TBC1D32: variants seen among roughly 807,000 people sequenced by gnomAD.
TBC1D32 encodes protein broad-minded.
Under a neutral mutation model 170.3 loss-of-function variants are expected in TBC1D32, and 151 were observed. That is an observed-to-expected ratio of 0.89 (90% CI 0.78 to 1.01). The LOEUF (loss-of-function observed/expected upper bound fraction) is 1.01. Among genes scored for constraint, TBC1D32 ranks in the 50% least tolerant of loss-of-function variants. The pLI is 0.00. For missense variants in TBC1D32, 1,464 were observed against 1,457.1 expected, an observed-to-expected ratio of 1.00 and a Z score of -0.08; for synonymous variants, 498 against 488.0, an observed-to-expected ratio of 1.02 and a Z score of -0.27.
At chr6:121,098,325 AC>A (rs1777652082) in intron 30 of TBC1D32, among the ~76,000 whole-genome samples, 1 of 151,896 alleles carries the variant, frequency 6.6e-6, no homozygotes, top group Non-Finnish European at 1.5e-5. Context: ...ATTCAAAGAC[AC>A]TATTTTTAAC....
At chr6:121,260,621 T>C (rs1221672807) in intron 15 of TBC1D32, among the ~76,000 whole-genome samples, 1 of 152,184 alleles carries the variant, frequency 6.6e-6, no homozygotes, top group African/African-American at 2.4e-5. Flanking sequence ...TGGGAAGCTG[T>C]GCTTTTCCAT....
chr6:121,082,607 A>G (rs779150044), intron 31 of TBC1D32, among the ~76,000 whole-genome samples: 7 of 152,042 alleles, frequency 4.6e-5, no homozygotes, highest in Non-Finnish European at 1.0e-4. Context: ...ACGAATTATA[A>G]TAGGAGATGA....
At chr6:121,226,988 T>C (rs1795148438) in intron 20 of TBC1D32, among the ~76,000 whole-genome samples, 1 of 152,070 alleles carries the variant, frequency 6.6e-6, no homozygotes, top group African/African-American at 2.4e-5. Flanking sequence ...TGGGCCACAT[T>C]GGAAGAAGAA....
chr6:121,194,358 G>C (rs1334011100), intron 22 of TBC1D32, among the ~76,000 whole-genome samples: 1 of 152,186 alleles, frequency 6.6e-6, no homozygotes, highest in African/African-American at 2.4e-5. Context: ...CCTCTACCTA[G>C]AAAAATACTA....
At chr6:121,130,329 A>G (rs1333546930) in intron 25 of TBC1D32, among the ~76,000 whole-genome samples, 1 of 152,096 alleles carries the variant, frequency 6.6e-6, no homozygotes, top group Non-Finnish European at 1.5e-5. Flanking sequence ...TAAAAATACA[A>G]AAATTAACTA....
Position 121,274,767 on chromosome 6 carries a change from C to T in TBC1D32, c.1733+4354G>A, listed in dbSNP as rs142748074. On this transcript the variant is annotated intron_variant, in intron 15 of 31. Coordinates refer to ENST00000398212, the MANE Select transcript of TBC1D32 (RefSeq NM_152730.6). The stretch of plus-strand genomic sequence containing the variant: ...ATAATGATGACAAAATACATTTCAG[C>T]GTAAAAGTTATGCACAAAACTGAGG... 5.7e-3 allele frequency among the ~76,000 whole-genome samples: 869 copies of T among 152,010 alleles called. 9 individuals carry two copies. Among genetic ancestry groups the T allele is most frequent in the African/African-American group, 0.02 (826 of 41,478 alleles).
At chr6:121,282,589 C>T (rs1803174736) in intron 13 of TBC1D32, among the ~76,000 whole-genome samples, 1 of 151,744 alleles carries the variant, frequency 6.6e-6, no homozygotes, top group Non-Finnish European at 1.5e-5. Flanking sequence ...TTTCAACCAG[C>T]TTCAAGTGAG....
Position 121,279,181 on chromosome 6 carries a change from G to T in TBC1D32, c.1673C>A (p.Ser558Tyr). ...HIAGILARIA[S>Y]VEEGLILLLY... Reference sequence around the variant, plus strand: ...GAGTAAAATAAGCCCTTCTTCTACAGATGCAATTCTTGCCAAAATACCAGC... The same window carrying T: ...GAGTAAAATAAGCCCTTCTTCTACATATGCAATTCTTGCCAAAATACCAGC... Residue 558 changes from serine to tyrosine, a missense_variant, in exon 15 of 32, where the codon TCT becomes TAT. Transcript: ENST00000398212. 1.2e-6 allele frequency: 2 copies of T among 1,611,990 alleles called. No homozygotes were observed. Among genetic ancestry groups the T allele is most frequent in the Non-Finnish European group, 1.7e-6 (2 of 1,179,014 alleles).
intron 24 of TBC1D32, among the ~76,000 whole-genome samples, chr6:121,150,861 A>AT (rs1784122463): frequency 6.8e-6 from 1 of 147,010 alleles, no homozygotes; most frequent in Admixed American, 7.0e-5. Flanking sequence ...CCCCTTTATC[A>AT]TTTTTTATTG....
intron 16 of TBC1D32, 70 bp from the exon 17 acceptor site, chr6:121,255,480 T>C: frequency 3.1e-6 from 1 of 324,840 alleles, no homozygotes; most frequent in Admixed American, 5.6e-5. Flanking sequence ...TTTATAATTA[T>C]ATTTATAATT....
At chr6:121,289,600 T>A (rs1804491749) in intron 12 of TBC1D32, among the ~76,000 whole-genome samples, 1 of 152,072 alleles carries the variant, frequency 6.6e-6, no homozygotes, top group South Asian at 2.1e-4. Context: ...TTCAATCCCA[T>A]CCCCATTAAG....
At chr6:121,139,885 C>T (rs1038425912) in intron 24 of TBC1D32, 3 of 152,096 alleles carry the variant, frequency 2.0e-5, no homozygotes, top group African/African-American at 7.2e-5. Context: ...AACCAAAATG[C>T]ATTGCAACAA....
chr6:121,199,204 C>T (rs2128297066), intron 22 of TBC1D32, among the ~76,000 whole-genome samples: 1 of 151,168 alleles, frequency 6.6e-6, no homozygotes, highest in East Asian at 1.9e-4. Context: ...GATATTTATC[C>T]ATAGATATTT....
chr6:121,124,041 G>A (rs1414469650), intron 26 of TBC1D32, among the ~76,000 whole-genome samples: 1 of 151,664 alleles, frequency 6.6e-6, no homozygotes, highest in Admixed American at 6.6e-5. Flanking sequence ...TATTTATATT[G>A]CCTATCCCTT....
At chr6:121,139,278 G>T (rs921607776) in intron 24 of TBC1D32, among the ~76,000 whole-genome samples, 2 of 152,126 alleles carry the variant, frequency 1.3e-5, no homozygotes, top group Non-Finnish European at 2.9e-5. Context: ...CCAGTCATTC[G>T]TTAAATAGGC....
At chr6:121,334,670 G>A, upstream of TBC1D32, 1 of 564,708 alleles carries the variant, frequency 1.8e-6, no homozygotes, top group Non-Finnish European at 3.2e-6. Flanking sequence ...TTAGTTGCTA[G>A]CCTTCAGTAC....
In TBC1D32 at chr6:121,304,389, G is replaced by A. The variant is rs746006397; in HGVS notation, c.911C>T (p.Ser304Phe). The change falls in exon 8 of 32, where the codon TCT (serine) becomes TTT (phenylalanine). Residue 304 changes from serine to phenylalanine, a missense_variant. This residue lies in a region of TBC1D32 where 1,363 missense variants were observed against 1,338.1 expected (regional missense o/e 1.02). Transcript: ENST00000398212. Reference protein sequence around the residue: ...LLNEYQKEAPSFWIRHPEKYM... With the variant: ...LLNEYQKEAPFFWIRHPEKYM... ...CTTCTCTGGATGACGAATCCAGAAA[G>A]ATGGAGCTTCTTTCTGATATTCATT... 6.2e-7 allele frequency: 1 copy of A among 1,613,562 alleles called. No individual in the cohort carries two copies. Among genetic ancestry groups the A allele is most frequent in the Non-Finnish European group, 8.5e-7 (1 of 1,179,702 alleles).
chr6:121,129,559 A>G (rs1362460205), intron 25 of TBC1D32, among the ~76,000 whole-genome samples: 1 of 152,218 alleles, frequency 6.6e-6, no homozygotes, highest in Non-Finnish European at 1.5e-5. Context: ...ATGAAGGATG[A>G]AATTACAGGC....
chr6:121,183,920 C>CA (rs1252186375), intron 22 of TBC1D32, among the ~76,000 whole-genome samples: 1 of 152,026 alleles, frequency 6.6e-6, no homozygotes, highest in East Asian at 1.9e-4. Flanking sequence ...CTATGTGCTT[C>CA]AGGGAACAAA....
Sources: gnomAD v4.1 joint callset for allele counts (sites outside exome capture counted in the v4.1 genomes callset) on GRCh38, gnomAD v4.1.1 for gene constraint, gnomAD v4.1.1 regional missense constraint, MANE v1.5 for transcripts, NCBI Gene and HGNC (gene_info 2026-07-23, HGNC 2026-07-21) for gene names.